RBFOX1: variants seen among roughly 807,000 people sequenced by gnomAD.
RBFOX1 encodes the protein RNA binding protein fox-1 homolog 1.
In RBFOX1, 8 loss-of-function variants were observed where a neutral mutation model predicts 57.7. The observed-to-expected ratio is 0.14, with a 90% CI of 0.08 to 0.25. The LOEUF (loss-of-function observed/expected upper bound fraction) is 0.25, where lower values mean the gene tolerates loss of function less well. RBFOX1 is among the 10% of genes least tolerant of loss of function. The probability of loss-of-function intolerance (pLI) is 1.00; values close to 1 mark genes in which losing one functional copy is unlikely to be tolerated. For synonymous variants in RBFOX1, 326 were observed against 222.4 expected (o/e 1.47, Z -4.15); for missense variants, 611 against 548.5 (o/e 1.11, Z -1.14).
intron 2 of RBFOX1, among the ~76,000 whole-genome samples, chr16:6,587,801 C>T (rs1789145753): frequency 6.6e-6 from 1 of 152,204 alleles, no homozygotes; most frequent in Non-Finnish European, 1.5e-5. Flanking sequence ...TGTGTAGTTT[C>T]ACCAATGATT....
intron 4 of RBFOX1, among the ~76,000 whole-genome samples, chr16:7,411,478 T>C (rs909441348): frequency 6.6e-6 from 1 of 152,132 alleles, no homozygotes; most frequent in Admixed American, 6.5e-5. Flanking sequence ...AAATGGGAAG[T>C]ACTGTTTAAA....
At chr16:6,090,768 C>T (rs1162817511) in intron 1 of RBFOX1, among the ~76,000 whole-genome samples, 1 of 152,188 alleles carries the variant, frequency 6.6e-6, no homozygotes, top group African/African-American at 2.4e-5. Flanking sequence ...ACTCAGTCCT[C>T]TTTCTCTTTT....
chr16:6,679,506 T>G (rs866680959), intron 3 of RBFOX1, among the ~76,000 whole-genome samples: 3 of 152,168 alleles, frequency 2.0e-5, no homozygotes, highest in African/African-American at 4.8e-5. Flanking sequence ...CATGGTCGCA[T>G]TCTGGATCAC....
chr16:7,209,265 G>A (rs2090631713), intron 4 of RBFOX1, among the ~76,000 whole-genome samples: 2 of 152,046 alleles, frequency 1.3e-5, no homozygotes, highest in South Asian at 2.1e-4. Context: ...AACCCAAGAG[G>A]CAGAGGTTGC....
chr16:7,283,523 A>G (rs1009151444), intron 4 of RBFOX1, among the ~76,000 whole-genome samples: 2 of 151,944 alleles, frequency 1.3e-5, no homozygotes, highest in Non-Finnish European at 2.9e-5. Context: ...ACACTTCCAT[A>G]ACACCTCCCC....
chr16:7,705,908 G>A lies in RBFOX1; in HGVS notation c.996-3148G>A, dbSNP rs148350595. 1.4e-4 allele frequency among the ~76,000 whole-genome samples: 21 copies of A among 152,312 alleles called. No individual in the cohort carries two copies. In the East Asian group the frequency reaches 3.3e-3, roughly 24 times the overall value. ...GAAGTGGGCACATGGAGATCATCAT[G>A]ATCTGACTGCACTACTGCCCACTTT... On this transcript the variant is annotated intron_variant, in intron 14 of 15. Coordinates refer to ENST00000550418, the MANE Select transcript of RBFOX1 (RefSeq NM_018723.4).
At chr16:7,229,655 G>GCA (rs2093364933) in intron 4 of RBFOX1, among the ~76,000 whole-genome samples, 1 of 88,086 alleles carries the variant, frequency 1.1e-5, no homozygotes, top group Non-Finnish European at 2.7e-5. Context: ...GAGAGAGAGG[G>GCA]AGGAAGGGCA....
At chr16:5,375,085 CAA>C (rs576765968) in intron 1 of RBFOX1, among the ~76,000 whole-genome samples, 899 of 36,980 alleles carry the variant, frequency 0.024, 2 homozygotes, top group Non-Finnish European at 0.029. Flanking sequence ...TTTAAATGGC[CAA>C]AAAAAAAAAA....
chr16:6,025,202 T>G (rs1353919554), intron 1 of RBFOX1, among the ~76,000 whole-genome samples: 1 of 152,192 alleles, frequency 6.6e-6, no homozygotes. Context: ...CTCTATTTTT[T>G]CAAAGTTTCA....
intron 4 of RBFOX1, among the ~76,000 whole-genome samples, chr16:7,481,585 C>G (rs1450116787): frequency 2.0e-5 from 3 of 152,154 alleles, no homozygotes; most frequent in Admixed American, 2.0e-4. Flanking sequence ...TATTAAATCC[C>G]TGAAGGAATC....
chr16:5,716,965 G>T (rs770516597), intron 3 of RBFOX1, among the ~76,000 whole-genome samples: 4 of 152,144 alleles, frequency 2.6e-5, no homozygotes, highest in Non-Finnish European at 5.9e-5. Context: ...CCCTTGACAG[G>T]ATAATGAGTT....
At chr16:7,447,131 T>C (rs1462550647) in intron 4 of RBFOX1, among the ~76,000 whole-genome samples, 1 of 151,968 alleles carries the variant, frequency 6.6e-6, no homozygotes, top group African/African-American at 2.4e-5. Flanking sequence ...GTCTGGGTTT[T>C]ATGAGATGTG....
intron 4 of RBFOX1, among the ~76,000 whole-genome samples, chr16:7,280,215 C>G (rs771384852): frequency 1.3e-5 from 2 of 152,196 alleles, no homozygotes; most frequent in African/African-American, 2.4e-5. Flanking sequence ...CTCATCCATT[C>G]AGCCTTGCCT....
chr16:7,024,840 G>A (rs1202394601), intron 3 of RBFOX1, among the ~76,000 whole-genome samples: 1 of 152,138 alleles, frequency 6.6e-6, no homozygotes, highest in Non-Finnish European at 1.5e-5. Context: ...TCTCACACGG[G>A]GCTGGGTGTC....
chr16:6,804,407 G>T (rs1054594642), intron 3 of RBFOX1, among the ~76,000 whole-genome samples: 2 of 152,106 alleles, frequency 1.3e-5, no homozygotes, highest in Admixed American at 1.3e-4. Context: ...TAGCCCTGCA[G>T]TATTTCAGGT....
rs373510912 is a variant in RBFOX1, at chr16:6,237,948, G to A, written c.-126-79047G>A. Among the ~76,000 whole-genome samples, 22 of 151,700 alleles carry A rather than the reference G, an allele frequency of 1.5e-4. No homozygotes were observed. In the South Asian group the frequency reaches 2.7e-3, roughly 19 times the overall value. On this transcript the variant is annotated intron_variant, in intron 1 of 15. Coordinates refer to ENST00000550418, the MANE Select transcript of RBFOX1 (RefSeq NM_018723.4). ...TCTACAAAAAGTACAAAAATTAGCC[G>A]GGCGTGGTGATGCGTGCCTGTAGTC...
chr16:5,522,328 G>A (rs75846099), intron 2 of RBFOX1, among the ~76,000 whole-genome samples: 6,613 of 152,270 alleles, frequency 0.043, 479 homozygotes, highest in African/African-American at 0.15. Flanking sequence ...TGTGATGTGC[G>A]TAAAGCACGT....
intron 3 of RBFOX1, among the ~76,000 whole-genome samples, chr16:5,612,410 C>A (rs575837128): frequency 6.6e-6 from 1 of 152,228 alleles, no homozygotes; most frequent in South Asian, 2.1e-4. Flanking sequence ...GTTATAGTGA[C>A]AAGCCAAGAC....
intron 3 of RBFOX1, chr16:6,748,987 A>C (rs898881622): frequency 6.6e-6 from 1 of 152,168 alleles, no homozygotes; most frequent in Non-Finnish European, 1.5e-5. Context: ...TGATAAAATA[A>C]AAATATTTTT....
Sources: allele counts gnomAD v4.1 joint callset (sites outside exome capture counted in the v4.1 genomes callset), GRCh38; gene constraint gnomAD v4.1.1; transcripts MANE v1.5; gene names NCBI Gene and HGNC (gene_info 2026-07-23, HGNC 2026-07-21).